ROBO2: variants seen among roughly 807,000 people sequenced by gnomAD.
ROBO2 encodes the protein roundabout guidance receptor 2, also known as roundabout homolog 2.
A neutral mutation model predicts 160.8 loss-of-function variants in ROBO2; 53 were observed. The observed-to-expected ratio is 0.33, with a 90% CI of 0.26 to 0.41. The LOEUF (loss-of-function observed/expected upper bound fraction) is 0.41. Among genes scored for constraint, ROBO2 ranks in the 10% least tolerant of loss-of-function variants. The pLI is 1.00. For missense variants in ROBO2, 1,577 were observed against 1,722.4 expected (o/e 0.92, Z 1.49); for synonymous variants, 664 against 611.7 (o/e 1.09, Z -1.26).
intron 19 of ROBO2, among the ~76,000 whole-genome samples, chr3:77,601,331 T>C (rs2094425850): frequency 6.6e-6 from 1 of 152,122 alleles, no homozygotes; most frequent in Admixed American, 6.6e-5. Context: ...TTAAAAACAG[T>C]GTTATTTAGT....
intron 2 of ROBO2, among the ~76,000 whole-genome samples, chr3:77,417,455 GA>G (rs35702384): frequency 0.13 from 19,093 of 151,912 alleles, 1,671 homozygotes; most frequent in Non-Finnish European, 0.19. Flanking sequence ...ATGCCCAGTG[GA>G]AAATGATAAT....
At chr3:76,999,038 C>T (rs945173101) in intron 2 of ROBO2, among the ~76,000 whole-genome samples, 1 of 152,042 alleles carries the variant, frequency 6.6e-6, no homozygotes, top group Non-Finnish European at 1.5e-5. Context: ...CTGGCTTTCT[C>T]CCAAATTAGT....
At chr3:75,971,852 C>T (rs1244736830) in intron 2 of ROBO2, among the ~76,000 whole-genome samples, 2 of 151,478 alleles carry the variant, frequency 1.3e-5, no homozygotes, top group Non-Finnish European at 3.0e-5. Flanking sequence ...GTCCTTCAGC[C>T]TCTTCCATTA....
intron 2 of ROBO2, among the ~76,000 whole-genome samples, chr3:76,495,602 T>A (rs529152391): frequency 3.3e-5 from 5 of 152,104 alleles, no homozygotes; most frequent in South Asian, 4.2e-4. Context: ...GTTTTTTTTT[T>A]AGATTGTATG....
intron 2 of ROBO2, among the ~76,000 whole-genome samples, chr3:76,410,816 A>G (rs1216649126): frequency 6.6e-6 from 1 of 152,134 alleles, no homozygotes; most frequent in Admixed American, 6.6e-5. Flanking sequence ...CTCTGTAACC[A>G]CTTGTAATTA....
At chr3:77,340,458 C>A (rs1260597292) in intron 2 of ROBO2, among the ~76,000 whole-genome samples, 1 of 151,952 alleles carries the variant, frequency 6.6e-6, no homozygotes, top group Non-Finnish European at 1.5e-5. Context: ...CTTTGGTGTT[C>A]TTAGGAGTCC....
At chr3:76,151,045 G>A (rs1386391916) in intron 2 of ROBO2, among the ~76,000 whole-genome samples, 1 of 152,078 alleles carries the variant, frequency 6.6e-6, no homozygotes, top group Non-Finnish European at 1.5e-5. Flanking sequence ...GCTTTGCTGT[G>A]TCTTCCCTCT....
At chr3:76,928,848 A>G (rs2077150273) in intron 2 of ROBO2, among the ~76,000 whole-genome samples, 1 of 152,156 alleles carries the variant, frequency 6.6e-6, no homozygotes, top group Non-Finnish European at 1.5e-5. Context: ...TAATGGTTTT[A>G]AATATATTTT....
intron 1 of ROBO2, among the ~76,000 whole-genome samples, chr3:75,928,586 T>C (rs1284502132): frequency 6.6e-6 from 1 of 152,210 alleles, no homozygotes; most frequent in Non-Finnish European, 1.5e-5. Flanking sequence ...GCCAGTGGCA[T>C]ATAATGATGA....
chr3:77,122,268 A>G (rs1480642592), intron 2 of ROBO2, among the ~76,000 whole-genome samples: 1 of 152,174 alleles, frequency 6.6e-6, no homozygotes, highest in African/African-American at 2.4e-5. Context: ...GGAAGGTAGT[A>G]TTAAATATTA....
chr3:77,374,776 A>C (rs1203779769), intron 2 of ROBO2, among the ~76,000 whole-genome samples: 2 of 152,254 alleles, frequency 1.3e-5, no homozygotes, highest in Non-Finnish European at 2.9e-5. Context: ...TATCCTAATT[A>C]TAGAATTCTT....
At chr3:75,978,649 AATTG>A in intron 2 of ROBO2, among the ~76,000 whole-genome samples, 1 of 151,720 alleles carries the variant, frequency 6.6e-6, no homozygotes, top group Middle Eastern at 3.4e-3. Flanking sequence ...AAGAGTTAAT[AATTG>A]ATCTGAACTC....
chr3:76,206,591 A>C (rs1046860069), intron 2 of ROBO2, among the ~76,000 whole-genome samples: 1 of 152,024 alleles, frequency 6.6e-6, no homozygotes, highest in Non-Finnish European at 1.5e-5. Context: ...TCCAACGTGC[A>C]TATAGACACT....
intron 2 of ROBO2, among the ~76,000 whole-genome samples, chr3:76,182,088 C>T (rs1473083384): frequency 6.6e-6 from 1 of 152,094 alleles, no homozygotes; most frequent in African/African-American, 2.4e-5. Context: ...GGGCCAGGAG[C>T]ATTAGATGGC....
intron 2 of ROBO2, among the ~76,000 whole-genome samples, chr3:76,668,069 T>C (rs1423748026): frequency 6.6e-6 from 1 of 152,136 alleles, no homozygotes; most frequent in Non-Finnish European, 1.5e-5. Context: ...AAAATCCCCA[T>C]AGAGACCAAA....
chr3:76,060,739 C>T (rs2068045611), intron 2 of ROBO2, among the ~76,000 whole-genome samples: 1 of 152,124 alleles, frequency 6.6e-6, no homozygotes, highest in Non-Finnish European at 1.5e-5. Context: ...TTTTTCAAGT[C>T]AGGAATAGAC....
rs138925356 is a variant in ROBO2, at chr3:76,755,021, T to C, written c.110-342993T>C. On this transcript the variant is annotated intron_variant, in intron 2 of 26. Coordinates refer to the ROBO2 transcript ENST00000487694. ...TGATCTACCTACACATTATAAACTT[T>C]TTCTATACTCTTGTTAAATTCATCC... is the stretch of plus-strand genomic sequence containing the variant. Among the ~76,000 whole-genome samples the C allele has an allele frequency of 3.6e-3, 548 of 152,014 alleles. 4 individuals are homozygous for C. The highest frequency in any genetic ancestry group is 0.013 in the African/African-American group (521 of 41,524).
At chr3:76,001,916 A>G (rs1181669619) in intron 2 of ROBO2, among the ~76,000 whole-genome samples, 1 of 152,138 alleles carries the variant, frequency 6.6e-6, no homozygotes, top group Non-Finnish European at 1.5e-5. Flanking sequence ...ATTGACGGAT[A>G]TTTTCTCTTA....
chr3:76,084,871 A>G (rs1352012635), intron 2 of ROBO2, among the ~76,000 whole-genome samples: 1 of 152,180 alleles, frequency 6.6e-6, no homozygotes, highest in African/African-American at 2.4e-5. Context: ...TCTGTGAAAC[A>G]TATAGAAACC....
Sources: gnomAD v4.1 joint callset for allele counts (sites outside exome capture counted in the v4.1 genomes callset) on GRCh38, gnomAD v4.1.1 for gene constraint, MANE v1.5 for transcripts, NCBI Gene and HGNC (gene_info 2026-07-23, HGNC 2026-07-21) for gene names.